Variants in CDC5L observed in about 807,000 individuals in gnomAD.
CDC5L encodes cell division cycle 5 like.
Under a neutral mutation model 104.1 loss-of-function variants are expected in CDC5L, and 18 were observed. That is an observed-to-expected ratio of 0.17 (90% CI 0.12 to 0.26). The LOEUF (loss-of-function observed/expected upper bound fraction) is 0.26, where lower values mean the gene tolerates loss of function less well. CDC5L is among the 10% of genes least tolerant of loss of function. The probability of loss-of-function intolerance (pLI) is 1.00; values close to 1 mark genes in which losing one functional copy is unlikely to be tolerated. For synonymous variants in CDC5L, 331 were observed against 322.7 expected (o/e 1.03, Z -0.28); for missense variants, 673 against 956.9 (o/e 0.70, Z 3.91).
chr6:44,393,579 TG>T lies in CDC5L; in HGVS notation c.439+7del, dbSNP rs775857145. 1 of 1,610,218 alleles carries T rather than the reference TG, an allele frequency of 6.2e-7. No homozygotes were observed. The highest frequency in any genetic ancestry group is 8.5e-7 in the Non-Finnish European group (1 of 1,178,484). ...TCCAATTGATATGGATGAGGGTAAG[TG>T]TATGCTTTGAGGAATTTATTTCTTT... On this transcript the variant is annotated splice_region_variant and intron_variant, in intron 4 of 15. Coordinates refer to ENST00000371477, the MANE Select transcript of CDC5L (RefSeq NM_001253.4).
At chr6:44,390,643 C>T (rs1790546279) in intron 2 of CDC5L, among the ~76,000 whole-genome samples, 1 of 152,108 alleles carries the variant, frequency 6.6e-6, no homozygotes, top group Non-Finnish European at 1.5e-5. Flanking sequence ...GAGTTGTCAT[C>T]TAAATGGGTT....
chr6:44,409,952 T>C (rs1306091606), intron 8 of CDC5L, among the ~76,000 whole-genome samples: 1 of 152,016 alleles, frequency 6.6e-6, no homozygotes, highest in Non-Finnish European at 1.5e-5. Context: ...TTTTTTTCAT[T>C]GATAAGGAAA....
intron 14 of CDC5L, among the ~76,000 whole-genome samples, chr6:44,440,683 C>A (rs1171375911): frequency 2.0e-5 from 3 of 148,888 alleles, no homozygotes; most frequent in African/African-American, 7.4e-5. Flanking sequence ...CATACCACTT[C>A]TTTGTGGAGA....
At chr6:44,421,440 T>C (rs1360922578) in intron 9 of CDC5L, among the ~76,000 whole-genome samples, 1 of 152,250 alleles carries the variant, frequency 6.6e-6, no homozygotes, top group Non-Finnish European at 1.5e-5. Context: ...TCCTACTGGT[T>C]ATTTAGTAGA....
At chr6:44,422,540 C>CTT in intron 9 of CDC5L, 107 bp from the exon 10 acceptor site, 23 of 724,340 alleles carry the variant, frequency 3.2e-5, no homozygotes, top group Non-Finnish European at 4.5e-5. Context: ...AATCTTTATT[C>CTT]TTTTTTTTTT....
At chr6:44,425,786 A>G (rs1214094012) in intron 11 of CDC5L, among the ~76,000 whole-genome samples, 1 of 152,174 alleles carries the variant, frequency 6.6e-6, no homozygotes, top group Non-Finnish European at 1.5e-5. Flanking sequence ...GAAAGGGAAG[A>G]AAGAGTTTTG....
intron 3 of CDC5L, 27 bp from the exon 4 acceptor site, chr6:44,393,419 G>A: frequency 6.2e-7 from 1 of 1,608,940 alleles, no homozygotes; most frequent in Non-Finnish European, 8.5e-7. Context: ...ACTGTAGTGT[G>A]ACTAACTCCT....
In CDC5L at chr6:44,403,869, G is replaced by A; in HGVS notation, c.600G>A (p.Lys200=). ...ELRAAGIEIQ[K]KRKRKRGVDY... ...GAGCAGCTGGCATAGAAATTCAGAA[G>A]AAAAGAAAAAGGAAGAGAGGAGTTG... Residue 200 remains lysine, a synonymous_variant, in exon 6 of 16, where the codon AAG becomes AAA. Coordinates refer to ENST00000371477, the MANE Select transcript of CDC5L (RefSeq NM_001253.4). 1 of 1,612,858 alleles carries A rather than the reference G, an allele frequency of 6.2e-7. No homozygotes were observed. The highest frequency in any genetic ancestry group is 1.3e-5 in the African/African-American group (1 of 74,914).
intron 8 of CDC5L, 29 bp from the exon 9 acceptor site, chr6:44,419,420 A>G (rs773161705): frequency 6.2e-7 from 1 of 1,611,468 alleles, no homozygotes; most frequent in East Asian, 2.2e-5. Context: ...AAACTTTTAA[A>G]CTTGCTTCTT....
chr6:44,436,504 A>G (rs531168810), intron 14 of CDC5L, among the ~76,000 whole-genome samples: 7 of 152,174 alleles, frequency 4.6e-5, no homozygotes, highest in African/African-American at 1.7e-4. Flanking sequence ...TTAATGTCTC[A>G]TTATATTTCA....
Position 44,429,887 on chromosome 6 carries a change from G to A in CDC5L, c.2068G>A (p.Glu690Lys). The A allele has an allele frequency of 6.2e-7, 1 of 1,613,854 alleles. No individual in the cohort carries two copies. The highest frequency in any genetic ancestry group is 8.5e-7 in the Non-Finnish European group (1 of 1,179,844). ...ANLASKKDRIESLEKRLEINR... is the reference protein window; with the variant it reads ...ANLASKKDRIKSLEKRLEINR... ...TCTGGCTAGTAAAAAGGACAGAATT[G>A]AATCACTTGAAAAGAGGCTCGAGGT... The change falls in exon 14 of 16, where the codon GAA becomes AAA. Residue 690 changes from glutamate to lysine, a missense_variant. Physicochemically the swap from Glu to Lys is moderately conservative, Grantham distance 56 (BLOSUM62 1). This residue lies in a region of CDC5L where 578 missense variants were observed against 737.0 expected (regional missense o/e 0.78). Transcript: ENST00000371477.
chr6:44,397,457 A>AT (rs1331512494), intron 5 of CDC5L, among the ~76,000 whole-genome samples: 9 of 151,982 alleles, frequency 5.9e-5, no homozygotes, highest in Middle Eastern at 3.2e-3. Context: ...ACTATCTTGT[A>AT]TTTTTTTCCC....
At chr6:44,445,928 C>A in intron 15 of CDC5L, 61 bp downstream of exon 15, 1 of 1,267,378 alleles carries the variant, frequency 7.9e-7, no homozygotes, top group Non-Finnish European at 1.1e-6. Flanking sequence ...TCAGGGCTGT[C>A]CTCTTTTACT....
intron 8 of CDC5L, among the ~76,000 whole-genome samples, chr6:44,411,289 C>A (rs1421455225): frequency 6.6e-6 from 1 of 152,018 alleles, no homozygotes; most frequent in Non-Finnish European, 1.5e-5. Flanking sequence ...TGGGATGTTT[C>A]ACTGGGAGAG....
intron 8 of CDC5L, among the ~76,000 whole-genome samples, chr6:44,418,835 G>A (rs991991863): frequency 2.9e-5 from 4 of 135,630 alleles, no homozygotes; most frequent in African/African-American, 7.9e-5. Flanking sequence ...ACTTTTTGAT[G>A]TGGTTGTTTG....
intron 13 of CDC5L, among the ~76,000 whole-genome samples, chr6:44,429,481 G>A (rs1005724344): frequency 3.9e-5 from 6 of 152,172 alleles, no homozygotes; most frequent in African/African-American, 1.2e-4. Flanking sequence ...AGCAAAGGAT[G>A]TTTATACTTT....
At chr6:44,437,580 T>C (rs944879371) in intron 14 of CDC5L, among the ~76,000 whole-genome samples, 1 of 152,230 alleles carries the variant, frequency 6.6e-6, no homozygotes. Flanking sequence ...ATAAAATTGT[T>C]GGCATTAAAG....
chr6:44,430,623 A>G (rs1341613444), intron 14 of CDC5L, among the ~76,000 whole-genome samples: 1 of 148,010 alleles, frequency 6.8e-6, no homozygotes, highest in Non-Finnish European at 1.5e-5. Context: ...GCCAGGCTGC[A>G]GTGCAGTGGT....
chr6:44,398,855 C>T (rs749656807), intron 5 of CDC5L, among the ~76,000 whole-genome samples: 3 of 152,204 alleles, frequency 2.0e-5, no homozygotes, highest in African/African-American at 4.8e-5. Flanking sequence ...TGTACACTAA[C>T]GTTTATACAA....
Sources: gnomAD v4.1 joint callset for allele counts (sites outside exome capture counted in the v4.1 genomes callset) on GRCh38, gnomAD v4.1.1 for gene constraint, gnomAD v4.1.1 regional missense constraint, MANE v1.5 for transcripts, NCBI Gene and HGNC (gene_info 2026-07-23, HGNC 2026-07-21) for gene names.